SDK1: variants seen among roughly 807,000 people sequenced by gnomAD.
The protein encoded by SDK1 is sidekick cell adhesion molecule 1.
A neutral mutation model predicts 245.5 loss-of-function variants in SDK1; 157 were observed. The ratio of observed to expected loss-of-function variants is 0.64; its 90% CI spans 0.56 to 0.73. The LOEUF is 0.73. Among genes scored for constraint, SDK1 ranks in the 30% least tolerant of loss-of-function variants. SDK1 has a pLI of 0.00. For missense variants in SDK1, 3,583 were observed against 3,002.3 expected (o/e 1.19, Z -4.52); for synonymous variants, 1,647 against 1,278.5 (o/e 1.29, Z -6.15).
At chr7:4,088,026 A>T (rs994301507) in intron 22 of SDK1, among the ~76,000 whole-genome samples, 4 of 152,374 alleles carry the variant, frequency 2.6e-5, no homozygotes, top group African/African-American at 9.6e-5. Context: ...TTTAATTCTC[A>T]TAATGGCTCT....
chr7:4,161,166 G>T (rs1235334932), intron 31 of SDK1, among the ~76,000 whole-genome samples: 3 of 152,186 alleles, frequency 2.0e-5, no homozygotes, highest in Non-Finnish European at 4.4e-5. Context: ...GGATGTGGCA[G>T]ATGACAAGAA....
chr7:3,849,065 C>A (rs547147271), intron 5 of SDK1, among the ~76,000 whole-genome samples: 4 of 152,216 alleles, frequency 2.6e-5, no homozygotes, highest in Non-Finnish European at 4.4e-5. Flanking sequence ...GTATTTAAGA[C>A]TTTTCATACC....
chr7:3,968,615 T>C (rs1782253466), intron 10 of SDK1, among the ~76,000 whole-genome samples: 2 of 152,196 alleles, frequency 1.3e-5, no homozygotes, highest in South Asian at 2.1e-4. Context: ...CATGCAGATA[T>C]AAAGAAAACT....
At chr7:4,061,673 A>G (rs1779548561) in intron 19 of SDK1, among the ~76,000 whole-genome samples, 1 of 152,278 alleles carries the variant, frequency 6.6e-6, no homozygotes, top group Admixed American at 6.5e-5. Context: ...CTATAAAGAC[A>G]TATGCACACG....
chr7:3,334,419 T>C (rs1056596505), intron 1 of SDK1, among the ~76,000 whole-genome samples: 2 of 152,096 alleles, frequency 1.3e-5, no homozygotes, highest in Admixed American at 6.5e-5. Flanking sequence ...CTCCTGTTCT[T>C]CCCTGCCGTC....
At chr7:3,348,835 G>T (rs1336084049) in intron 1 of SDK1, among the ~76,000 whole-genome samples, 1 of 152,174 alleles carries the variant, frequency 6.6e-6, no homozygotes, top group Non-Finnish European at 1.5e-5. Context: ...ACAGTGAATA[G>T]AGGATGACTT....
intron 4 of SDK1, among the ~76,000 whole-genome samples, chr7:3,821,159 A>T (rs1779635500): frequency 6.6e-6 from 1 of 152,164 alleles, no homozygotes; most frequent in Non-Finnish European, 1.5e-5. Context: ...AGTTTTAATG[A>T]ACTCTGGATG....
At chr7:3,465,126 C>T (rs920596497) in intron 1 of SDK1, among the ~76,000 whole-genome samples, 2 of 152,086 alleles carry the variant, frequency 1.3e-5, no homozygotes, top group East Asian at 1.9e-4. Flanking sequence ...AGCTCCTTGA[C>T]GCAAATTGGC....
intron 4 of SDK1, among the ~76,000 whole-genome samples, chr7:3,805,538 T>C (rs1008784347): frequency 2.0e-5 from 3 of 152,204 alleles, no homozygotes; most frequent in Non-Finnish European, 4.4e-5. Context: ...TTCTCTAAAA[T>C]GTACTGGTTC....
At chr7:4,228,147 G>A (rs1785547627) in intron 40 of SDK1, among the ~76,000 whole-genome samples, 1 of 152,198 alleles carries the variant, frequency 6.6e-6, no homozygotes, top group Admixed American at 6.5e-5. Context: ...TTCCTTCTGA[G>A]GTGGACAGGA....
At chr7:4,235,865 C>T (rs965025971) in intron 41 of SDK1, among the ~76,000 whole-genome samples, 3 of 152,230 alleles carry the variant, frequency 2.0e-5, no homozygotes, top group African/African-American at 4.8e-5. Flanking sequence ...GCCAGGGTGT[C>T]CTGCCCCGTA....
At chr7:4,138,977 GC>G (rs1779279706) in intron 28 of SDK1, among the ~76,000 whole-genome samples, 5 of 152,306 alleles carry the variant, frequency 3.3e-5, no homozygotes, top group Admixed American at 3.3e-4. Context: ...TGAGGACTGG[GC>G]CATACATTCA....
intron 4 of SDK1, among the ~76,000 whole-genome samples, chr7:3,728,112 G>A (rs934324293): frequency 6.6e-6 from 1 of 152,256 alleles, no homozygotes; most frequent in African/African-American, 2.4e-5. Context: ...GACAGCAGAA[G>A]TGAAGTCCCA....
chr7:3,562,622 TTTTAAAACTA>T (rs1204766713), intron 1 of SDK1, among the ~76,000 whole-genome samples: 1 of 152,138 alleles, frequency 6.6e-6, no homozygotes, highest in African/African-American at 2.4e-5. Context: ...GGAAACTGGT[TTTTAAAACTA>T]TTTTTTCTAA....
intron 5 of SDK1, among the ~76,000 whole-genome samples, chr7:3,846,933 C>T (rs1393302311): frequency 2.0e-5 from 3 of 152,198 alleles, no homozygotes; most frequent in African/African-American, 4.8e-5. Flanking sequence ...CCATCTCCAC[C>T]TGTAGAGGTC....
rs149064140 is a variant in SDK1, at chr7:3,563,258, G to A, written c.299-55822G>A. On this transcript the variant is annotated intron_variant, in intron 1 of 44. Transcript: ENST00000404826. ...TAAATGGAAAATATGAAAAAAAGCT[G>A]GAAAAGTTCAAGTTTTAGAGTAATT... Among the ~76,000 whole-genome samples, 718 of 152,166 alleles carry A rather than the reference G, an allele frequency of 4.7e-3. 9 individuals carry two copies. The highest frequency in any genetic ancestry group is 0.016 in the African/African-American group (682 of 41,528).
chr7:3,821,721 C>A, intron 5 of SDK1, 138 bp downstream of exon 5: 1 of 799,514 alleles, frequency 1.3e-6, no homozygotes, highest in East Asian at 3.0e-5. Context: ...TGATCCAGTG[C>A]CAATAGTTCG....
chr7:3,945,220 A>C (rs1229394095), intron 5 of SDK1, among the ~76,000 whole-genome samples: 4 of 152,214 alleles, frequency 2.6e-5, no homozygotes, highest in Admixed American at 2.6e-4. Context: ...AGTTATAGAT[A>C]ATGAACAGCC....
chr7:4,099,848 A>G (rs1782418836), intron 22 of SDK1, among the ~76,000 whole-genome samples: 1 of 151,546 alleles, frequency 6.6e-6, no homozygotes, highest in African/African-American at 2.4e-5. Flanking sequence ...ATCTAAAAGC[A>G]CCCCTAAGAA....
Sources: allele counts gnomAD v4.1 joint callset (sites outside exome capture counted in the v4.1 genomes callset), GRCh38; gene constraint gnomAD v4.1.1; transcripts MANE v1.5; gene names NCBI Gene and HGNC (gene_info 2026-07-23, HGNC 2026-07-21).